ZC3H3: variants seen among roughly 807,000 people sequenced by gnomAD.
The protein encoded by ZC3H3 is zinc finger CCCH domain-containing protein 3.
Under a neutral mutation model 77.3 loss-of-function variants are expected in ZC3H3, and 36 were observed. The observed-to-expected ratio is 0.47, with a 90% CI of 0.36 to 0.61. The LOEUF is 0.61. Ranked by LOEUF, ZC3H3 falls within the 20% of genes least tolerant of loss-of-function variation. ZC3H3 has a pLI of 0.00. For missense variants in ZC3H3, 1,331 were observed against 1,312.2 expected, an observed-to-expected ratio of 1.01 and a Z score of -0.22; for synonymous variants, 626 against 555.2, an observed-to-expected ratio of 1.13 and a Z score of -1.79.
intron 4 of ZC3H3, among the ~76,000 whole-genome samples, chr8:143,485,312 G>A (rs1196467445): frequency 1.1e-4 from 16 of 152,182 alleles, no homozygotes; most frequent in East Asian, 1.9e-4. Flanking sequence ...CCGAGAACCC[G>A]GTCCAGTGTT....
intron 3 of ZC3H3, among the ~76,000 whole-genome samples, chr8:143,510,613 A>T (rs865869435): frequency 6.6e-6 from 1 of 152,194 alleles, no homozygotes; most frequent in Non-Finnish European, 1.5e-5. Flanking sequence ...CAGGGTGTGC[A>T]GCGATGGCGT....
chr8:143,475,320 AG>A (rs1268748641), intron 5 of ZC3H3, 77 bp downstream of exon 5: 7 of 1,484,754 alleles, frequency 4.7e-6, no homozygotes, highest in South Asian at 1.3e-5. Flanking sequence ...GTTGGAGGTT[AG>A]GGGGTCTGGC....
At chr8:143,461,597 C>A (rs1222706511) in intron 9 of ZC3H3, among the ~76,000 whole-genome samples, 1 of 152,178 alleles carries the variant, frequency 6.6e-6, no homozygotes, top group Non-Finnish European at 1.5e-5. Context: ...CCCCAACTGG[C>A]AACCACCCGA....
At chr8:143,515,884 C>A (rs1822024182) in intron 3 of ZC3H3, among the ~76,000 whole-genome samples, 1 of 152,226 alleles carries the variant, frequency 6.6e-6, no homozygotes, top group African/African-American at 2.4e-5. Context: ...GTGGGCAGAC[C>A]CCTGGCTGTG....
At chr8:143,480,049 C>A (rs1164960357) in intron 4 of ZC3H3, among the ~76,000 whole-genome samples, 3 of 152,214 alleles carry the variant, frequency 2.0e-5, no homozygotes, top group Non-Finnish European at 4.4e-5. Context: ...CTGGGCCCCT[C>A]GGACCTGCTG....
chr8:143,482,637 T>C (rs1390590281), intron 4 of ZC3H3, among the ~76,000 whole-genome samples: 2 of 151,994 alleles, frequency 1.3e-5, no homozygotes, highest in African/African-American at 4.8e-5. Context: ...TGGGGCAAGA[T>C]GGGCTCTCTG....
chr8:143,510,224 C>T (rs1821830082), intron 3 of ZC3H3, among the ~76,000 whole-genome samples: 1 of 152,216 alleles, frequency 6.6e-6, no homozygotes, highest in Non-Finnish European at 1.5e-5. Context: ...ATATTCTGCA[C>T]GTCACCTAGA....
At chr8:143,534,767 G>A (rs1462743644) in intron 3 of ZC3H3, among the ~76,000 whole-genome samples, 2 of 152,146 alleles carry the variant, frequency 1.3e-5, no homozygotes, top group Non-Finnish European at 2.9e-5. Flanking sequence ...ACCAGGGACC[G>A]CATGGGTCTC....
chr8:143,484,798 G>A (rs1413356604), intron 4 of ZC3H3: 3 of 419,056 alleles, frequency 7.2e-6, no homozygotes, highest in South Asian at 3.5e-5. Context: ...TCAGGTCACT[G>A]CTGTCTAAAG....
At chr8:143,485,237 G>A (rs557632479) in intron 4 of ZC3H3, among the ~76,000 whole-genome samples, 1 of 152,372 alleles carries the variant, frequency 6.6e-6, no homozygotes, top group Admixed American at 6.5e-5. Flanking sequence ...TGTTGTGTGT[G>A]TGGCTGAAAT....
chr8:143,475,639 T>G, intron 4 of ZC3H3, 54 bp from the exon 5 acceptor site: 3 of 1,500,128 alleles, frequency 2.0e-6, no homozygotes, highest in Non-Finnish European at 2.7e-6. Context: ...ACTACAGCTC[T>G]GATGGTCAGT....
intron 4 of ZC3H3, among the ~76,000 whole-genome samples, chr8:143,486,097 A>G (rs562458361): frequency 6.6e-6 from 1 of 152,374 alleles, no homozygotes; most frequent in Admixed American, 6.5e-5. Flanking sequence ...GACACACCCA[A>G]GACAGCAGCT....
intron 3 of ZC3H3, among the ~76,000 whole-genome samples, chr8:143,512,650 C>T (rs770570297): frequency 1.3e-5 from 2 of 152,200 alleles, no homozygotes; most frequent in African/African-American, 2.4e-5. Flanking sequence ...TGAGTTCACC[C>T]GGCCCCCGGA....
intron 4 of ZC3H3, among the ~76,000 whole-genome samples, chr8:143,481,403 C>T (rs1156599716): frequency 6.6e-6 from 1 of 152,156 alleles, no homozygotes; most frequent in Non-Finnish European, 1.5e-5. Context: ...CCACGTGAGC[C>T]CCTGAGAACT....
intron 3 of ZC3H3, among the ~76,000 whole-genome samples, chr8:143,517,162 G>A (rs1015841996): frequency 1.3e-5 from 2 of 152,198 alleles, no homozygotes; most frequent in Admixed American, 6.5e-5. Flanking sequence ...TATTGTGCGC[G>A]AGCCATCGAT....
chr8:143,466,990 G>C (rs903235429), intron 8 of ZC3H3, among the ~76,000 whole-genome samples: 4 of 152,150 alleles, frequency 2.6e-5, no homozygotes, highest in Non-Finnish European at 5.9e-5. Context: ...AAGGGGTCCA[G>C]AGAGCCAGCG....
At chr8:143,510,306 A>G (rs1351207124) in intron 3 of ZC3H3, among the ~76,000 whole-genome samples, 1 of 152,150 alleles carries the variant, frequency 6.6e-6, no homozygotes, top group Non-Finnish European at 1.5e-5. Flanking sequence ...GGTGGCAGCT[A>G]GTGTGGGCCC....
chr8:143,454,366 T>C (rs924526643), intron 9 of ZC3H3, among the ~76,000 whole-genome samples: 5 of 150,972 alleles, frequency 3.3e-5, no homozygotes, highest in South Asian at 2.1e-4. Context: ...GCTGGGATTA[T>C]AGGTGTGAGC....
intron 4 of ZC3H3, among the ~76,000 whole-genome samples, chr8:143,477,749 C>T (rs1461920607): frequency 6.6e-6 from 1 of 152,168 alleles, no homozygotes; most frequent in Non-Finnish European, 1.5e-5. Context: ...AGGCTGAGCC[C>T]AGGGCCCTGC....
Sources: allele counts gnomAD v4.1 joint callset (sites outside exome capture counted in the v4.1 genomes callset), GRCh38; gene constraint gnomAD v4.1.1; transcripts MANE v1.5; gene names NCBI Gene and HGNC (gene_info 2026-07-23, HGNC 2026-07-21).